NFIB: variants seen among roughly 807,000 people sequenced by gnomAD.
NFIB encodes the protein nuclear factor 1 B-type.
NFIB carries 11 observed loss-of-function variants against 61.5 expected under a neutral mutation model. That is an observed-to-expected ratio of 0.18 (90% CI 0.11 to 0.30). The LOEUF is 0.30. Ranked by LOEUF, NFIB falls within the 10% of genes least tolerant of loss-of-function variation. The pLI, the probability that NFIB is intolerant of heterozygous loss-of-function variation, is 1.00. For synonymous variants in NFIB, 260 were observed against 216.5 expected, an observed-to-expected ratio of 1.20 and a Z score of -1.76; for missense variants, 471 against 608.9, an observed-to-expected ratio of 0.77 and a Z score of 2.38.
rs569690526 is a variant in NFIB, at chr9:14,313,341, C to T, written c.30+141G>A. ...TCCCGGCTCCCACGCCGCCCCGCGA[C>T]GCCCGCTGCAACTCCGGGCCACTTC... On this transcript the variant is annotated intron_variant, in intron 1 of 10. Transcript: ENST00000380953. This position sits in a 1 kb window ranked among gnomAD's most constrained non-coding sequence, Gnocchi z 4.5. 1.1e-5 allele frequency: 13 copies of T among 1,190,396 alleles called. No homozygotes were observed. The South Asian group carries it at 1.9e-4, about 17-fold the overall frequency. 73.7% of individuals were successfully genotyped at this position (1,190,396 alleles called of 1,614,324 possible).
At chr9:14,504,298 T>C in the NFIB span, among the ~76,000 whole-genome samples, 1 of 152,202 alleles carries the variant, frequency 6.6e-6, no homozygotes. Flanking sequence ...TAGTCTTGCT[T>C]TGGCTATGCT....
chr9:14,170,983 G>A lies in NFIB; in HGVS notation c.616+8744C>T, dbSNP rs906585100. Among the ~76,000 whole-genome samples, 4 of 152,054 alleles carry A rather than the reference G, an allele frequency of 2.6e-5. No homozygotes were observed. The East Asian group carries it at 5.8e-4, about 22-fold the overall frequency. ...CTTATGACACCATTTCAGATAACACGAGACCTTAAAATACCGTTGTAAAGT... is the reference window on the plus strand; with the variant it reads ...CTTATGACACCATTTCAGATAACACAAGACCTTAAAATACCGTTGTAAAGT... On this transcript the variant is annotated intron_variant, in intron 3 of 10. Coordinates refer to ENST00000380953, the MANE Select transcript of NFIB (RefSeq NM_001190737.2).
chr9:14,085,196 T>G lies in NFIB; in HGVS notation c.*3113A>C. On this transcript the variant is annotated 3_prime_UTR_variant, in exon 11 of 11. Coordinates refer to ENST00000380953, the MANE Select transcript of NFIB (RefSeq NM_001190737.2). ...TGAATGGGCTAATCAAATACAATTCTCCAGCCCATAAGCATTGTTCTAAAG... is the reference window on the plus strand; with the variant it reads ...TGAATGGGCTAATCAAATACAATTCGCCAGCCCATAAGCATTGTTCTAAAG... 4.4e-6 allele frequency: 1 copy of G among 228,986 alleles called. No individual in the cohort carries two copies. Among genetic ancestry groups the G allele is most frequent in the Non-Finnish European group, 8.7e-6 (1 of 115,392 alleles). 14.2% of individuals were successfully genotyped at this position (228,986 alleles called of 1,614,324 possible).
intron 10 of NFIB, among the ~76,000 whole-genome samples, chr9:14,098,217 C>T (rs1007298724): frequency 6.6e-6 from 1 of 152,086 alleles, no homozygotes; most frequent in Admixed American, 6.6e-5. Flanking sequence ...GTAAACATAT[C>T]CTTTGGTAAC....
At position 14,125,645 on chromosome 9, in the gene NFIB, T is replaced by C; in HGVS notation, c.1047A>G (p.Gly349=). 1 of 1,614,100 alleles carries C rather than the reference T, an allele frequency of 6.2e-7. No individual in the cohort carries two copies. Among genetic ancestry groups the C allele is most frequent in the Admixed American group, 1.7e-5 (1 of 60,014 alleles). Residue 349 remains glycine, a synonymous_variant, in exon 7 of 11, where the codon GGA becomes GGG. Coordinates refer to ENST00000380953, the MANE Select transcript of NFIB (RefSeq NM_001190737.2). ...GAAACTCCTCACCACTGTGTGCAAC[T>C]CCAGGTATTCCGGGATGGTGGTGCT... is the stretch of plus-strand genomic sequence containing the variant. ...FPQHHHPGIP[G]VAHSVISTRT... is the part of the protein sequence containing the mutation.
chr9:14,528,694 T>C, the NFIB span, among the ~76,000 whole-genome samples: 3 of 152,148 alleles, frequency 2.0e-5, no homozygotes, highest in African/African-American at 7.2e-5. Context: ...GGTGCATACC[T>C]GCTACTCTGA....
At chr9:14,389,662 C>T (rs966685770) in intron 1 of NFIB, among the ~76,000 whole-genome samples, 7 of 152,114 alleles carry the variant, frequency 4.6e-5, no homozygotes, top group Non-Finnish European at 5.9e-5. Context: ...CTGCCATACA[C>T]ACAGACAACT....
At chr9:14,402,884 C>T (rs546012811), upstream of NFIB, among the ~76,000 whole-genome samples, 2 of 152,128 alleles carry the variant, frequency 1.3e-5, no homozygotes, top group Non-Finnish European at 2.9e-5. Context: ...TTTTTTAAAG[C>T]AATTAGCTTG....
At chr9:14,501,970 A>C in the NFIB span, among the ~76,000 whole-genome samples, 1 of 152,156 alleles carries the variant, frequency 6.6e-6, no homozygotes, top group Non-Finnish European at 1.5e-5. Flanking sequence ...AAATGAACAG[A>C]CCTCTGCTGG....
chr9:14,456,441 G>A, the NFIB span, among the ~76,000 whole-genome samples: 1 of 152,138 alleles, frequency 6.6e-6, no homozygotes, highest in African/African-American at 2.4e-5. Context: ...AACTTATATA[G>A]ACATATAATT....
At chr9:14,219,057 A>C (rs946375130) in intron 2 of NFIB, among the ~76,000 whole-genome samples, 1 of 152,134 alleles carries the variant, frequency 6.6e-6, no homozygotes, top group African/African-American at 2.4e-5. Context: ...CTCTTCATTA[A>C]GGGGTGGCTA....
At chr9:14,478,408 T>C in the NFIB span, among the ~76,000 whole-genome samples, 2 of 152,186 alleles carry the variant, frequency 1.3e-5, no homozygotes, top group South Asian at 2.1e-4. Context: ...CAGGTTAGAC[T>C]TCTTTACTTC....
At chr9:14,166,272 T>C (rs1022375402) in intron 3 of NFIB, among the ~76,000 whole-genome samples, 10 of 152,222 alleles carry the variant, frequency 6.6e-5, no homozygotes, top group African/African-American at 2.4e-4. Context: ...CCAGTCAGAA[T>C]AGGTATTCAA....
intron 2 of NFIB, among the ~76,000 whole-genome samples, chr9:14,219,259 G>A (rs765435966): frequency 6.6e-6 from 1 of 151,912 alleles, no homozygotes; most frequent in Non-Finnish European, 1.5e-5. Flanking sequence ...TCAACAAGAA[G>A]AGCAAATCTA....
intron 9 of NFIB, among the ~76,000 whole-genome samples, chr9:14,113,942 G>A (rs2037760791): frequency 1.3e-5 from 2 of 151,938 alleles, no homozygotes; most frequent in African/African-American, 4.8e-5. Flanking sequence ...AAAGACTTTT[G>A]TTACTTTTCA....
intron 2 of NFIB, among the ~76,000 whole-genome samples, chr9:14,219,528 G>T (rs1016392088): frequency 4.0e-5 from 6 of 151,778 alleles, no homozygotes; most frequent in African/African-American, 1.5e-4. Flanking sequence ...AATTACAACC[G>T]CATTACATTT....
the NFIB span, among the ~76,000 whole-genome samples, chr9:14,521,773 A>G: frequency 6.6e-6 from 1 of 152,210 alleles, no homozygotes; most frequent in Admixed American, 6.5e-5. Flanking sequence ...CAGTCCCTAA[A>G]TGATGCCTGT....
intron 2 of NFIB, among the ~76,000 whole-genome samples, chr9:14,294,086 T>C (rs2059270926): frequency 6.6e-6 from 1 of 152,326 alleles, no homozygotes; most frequent in Non-Finnish European, 1.5e-5. Context: ...AGCAGATTAA[T>C]TGTAGGCCCT....
intron 2 of NFIB, among the ~76,000 whole-genome samples, chr9:14,214,416 G>T (rs1354722939): frequency 6.6e-6 from 1 of 152,194 alleles, no homozygotes; most frequent in Non-Finnish European, 1.5e-5. Flanking sequence ...ACATTAGGGA[G>T]CTGGTCCTGA....
Sources: allele counts gnomAD v4.1 joint callset (sites outside exome capture counted in the v4.1 genomes callset), GRCh38; gene constraint gnomAD v4.1.1; non-coding constraint Gnocchi (gnomAD v3.1); transcripts MANE v1.5; gene names NCBI Gene and HGNC (gene_info 2026-07-23, HGNC 2026-07-21).